The following PPP2R2B variants were observed in gnomAD, a reference collection of about 807,000 sequenced individuals.
PPP2R2B encodes protein phosphatase 2 regulatory subunit Bbeta.
A neutral mutation model predicts 46.0 loss-of-function variants in PPP2R2B; 5 were observed. The observed-to-expected ratio is 0.11, with a 90% CI of 0.06 to 0.23. PPP2R2B has a LOEUF of 0.23. Ranked by LOEUF, PPP2R2B falls within the 10% of genes least tolerant of loss-of-function variation. The pLI is 1.00. For missense variants in PPP2R2B, 367 were observed against 575.0 expected (o/e 0.64, Z 3.70); for synonymous variants, 215 against 206.7 (o/e 1.04, Z -0.34).
chr5:147,061,945 C>A (rs1220943099), intron 2 of PPP2R2B, among the ~76,000 whole-genome samples: 1 of 151,946 alleles, frequency 6.6e-6, no homozygotes, highest in Non-Finnish European at 1.5e-5. Context: ...AGGTAGGCAA[C>A]AGGATTTTTG....
intron 2 of PPP2R2B, among the ~76,000 whole-genome samples, chr5:146,769,348 C>G (rs1012913301): frequency 1.3e-5 from 2 of 152,166 alleles, no homozygotes; most frequent in Non-Finnish European, 2.9e-5. Flanking sequence ...TGGGGTGTGG[C>G]AAATCCATGT....
At chr5:146,947,137 C>T (rs1582477450) in intron 1 of PPP2R2B, among the ~76,000 whole-genome samples, 1 of 152,226 alleles carries the variant, frequency 6.6e-6, no homozygotes, top group African/African-American at 2.4e-5. Flanking sequence ...GAGGCAGATG[C>T]CTTGGTTAGT....
At chr5:146,936,843 G>A (rs75377909) in intron 1 of PPP2R2B, among the ~76,000 whole-genome samples, 1,777 of 151,088 alleles carry the variant, frequency 0.012, 46 homozygotes, top group East Asian at 0.069. Context: ...TCTGTTGTGG[G>A]AGACAAACCA....
chr5:146,602,741 A>T (rs114568497), intron 7 of PPP2R2B, among the ~76,000 whole-genome samples: 384 of 152,322 alleles, frequency 2.5e-3, no homozygotes, highest in Non-Finnish European at 4.4e-3. Flanking sequence ...ATCAGAATTG[A>T]AATTGCAAAA....
intron 2 of PPP2R2B, among the ~76,000 whole-genome samples, chr5:146,832,244 G>T (rs543498548): frequency 6.6e-6 from 1 of 152,060 alleles, no homozygotes; most frequent in Non-Finnish European, 1.5e-5. Flanking sequence ...GGTTTACAGT[G>T]TTTATAGCAG....
chr5:146,981,872 A>G (rs1373983905), intron 1 of PPP2R2B, among the ~76,000 whole-genome samples: 7 of 152,196 alleles, frequency 4.6e-5, no homozygotes, highest in African/African-American at 1.4e-4. Flanking sequence ...TGAATATGCA[A>G]TAATAATAGA....
chr5:146,821,266 A>G (rs748316664), intron 2 of PPP2R2B, among the ~76,000 whole-genome samples: 25 of 152,104 alleles, frequency 1.6e-4, no homozygotes, highest in Non-Finnish European at 2.9e-4. Context: ...CCATCCCTTA[A>G]TACCATACTC....
intron 2 of PPP2R2B, among the ~76,000 whole-genome samples, chr5:147,080,300 G>T (rs539905574): frequency 9.6e-4 from 146 of 152,194 alleles, no homozygotes; most frequent in African/African-American, 3.4e-3. Context: ...TACCACATCT[G>T]GAATCTAAAC....
At chr5:146,653,008 C>T (rs1776080509) in intron 5 of PPP2R2B, among the ~76,000 whole-genome samples, 1 of 152,140 alleles carries the variant, frequency 6.6e-6, no homozygotes, top group African/African-American at 2.4e-5. Context: ...CCCTGAGAAA[C>T]ACTACACCAA....
At chr5:147,055,874 G>C (rs1757065394) in exon 1 of PPP2R2B, 1 of 1,458,428 alleles carries the variant, frequency 6.9e-7, no homozygotes, top group Non-Finnish European at 9.0e-7. Context: ...GCAAAGCTGG[G>C]GTGCCCGAGG....
At chr5:146,701,502 C>G (rs531808199) in intron 2 of PPP2R2B, among the ~76,000 whole-genome samples, 6 of 152,292 alleles carry the variant, frequency 3.9e-5, no homozygotes, top group Admixed American at 3.9e-4. Context: ...GCCTTTACAC[C>G]AAGAATCTTC....
intron 2 of PPP2R2B, among the ~76,000 whole-genome samples, chr5:146,711,044 G>A (rs190999434): frequency 9.2e-4 from 140 of 152,286 alleles, no homozygotes; most frequent in African/African-American, 3.2e-3. Flanking sequence ...TTATTATGCA[G>A]CCTCATTGCT....
chr5:146,934,653 T>C (rs1374036753), intron 1 of PPP2R2B, among the ~76,000 whole-genome samples: 1 of 117,664 alleles, frequency 8.5e-6, no homozygotes, highest in Non-Finnish European at 1.7e-5. Flanking sequence ...CCTCAACAAA[T>C]ATACCTGTAG....
intron 1 of PPP2R2B, among the ~76,000 whole-genome samples, chr5:147,023,158 G>T (rs898128493): frequency 2.6e-5 from 4 of 152,080 alleles, no homozygotes; most frequent in Admixed American, 6.5e-5. Flanking sequence ...ATAACAATCA[G>T]AAAGGGAAAG....
intron 2 of PPP2R2B, among the ~76,000 whole-genome samples, chr5:146,859,041 T>C (rs1169792408): frequency 2.0e-5 from 3 of 152,210 alleles, no homozygotes; most frequent in Non-Finnish European, 4.4e-5. Context: ...AGATTTCATC[T>C]AGTTGGGAGT....
chr5:146,823,601 A>G (rs1758403120), intron 2 of PPP2R2B, among the ~76,000 whole-genome samples: 1 of 152,154 alleles, frequency 6.6e-6, no homozygotes, highest in East Asian at 1.9e-4. Flanking sequence ...CTTAAAAATT[A>G]TCTGGTAACC....
At chr5:146,982,181 T>C (rs575477702) in intron 1 of PPP2R2B, among the ~76,000 whole-genome samples, 2 of 152,338 alleles carry the variant, frequency 1.3e-5, no homozygotes, top group South Asian at 4.1e-4. Flanking sequence ...TGAGATATTT[T>C]CTTCTTTCTA....
chr5:146,609,636 G>A (rs923622101), intron 7 of PPP2R2B, among the ~76,000 whole-genome samples: 2 of 149,212 alleles, frequency 1.3e-5, no homozygotes, highest in East Asian at 2.0e-4. Flanking sequence ...GTGTGTGTGC[G>A]CACCGTGCGC....
intron 1 of PPP2R2B, among the ~76,000 whole-genome samples, chr5:147,026,542 C>A (rs1168529632): frequency 6.6e-6 from 1 of 152,008 alleles, no homozygotes; most frequent in Non-Finnish European, 1.5e-5. Context: ...ATATATCTCT[C>A]TATATATGTC....
Sources: allele counts gnomAD v4.1 joint callset (sites outside exome capture counted in the v4.1 genomes callset), GRCh38; gene constraint gnomAD v4.1.1; transcripts MANE v1.5; gene names NCBI Gene and HGNC (gene_info 2026-07-23, HGNC 2026-07-21).